Variants in BCR observed in about 807,000 individuals in gnomAD.
The protein encoded by BCR is BCR activator of RhoGEF and GTPase, also known as breakpoint cluster region protein.
Under a neutral mutation model 138.6 loss-of-function variants are expected in BCR, and 58 were observed. The ratio of observed to expected loss-of-function variants is 0.42; its 90% CI spans 0.34 to 0.52. The LOEUF is 0.52. Ranked by LOEUF, BCR falls within the 20% of genes least tolerant of loss-of-function variation. The pLI, the probability that BCR is intolerant of heterozygous loss-of-function variation, is 0.06. For synonymous variants in BCR, 786 were observed against 730.1 expected (o/e 1.08, Z -1.23); for missense variants, 1,599 against 1,727.2 (o/e 0.93, Z 1.32).
Position 23,312,872 on chromosome 22 carries a change from C to T in BCR, c.3323-15C>T. 1 of 1,596,074 alleles carries T rather than the reference C, an allele frequency of 6.3e-7. No homozygotes were observed. The highest frequency in any genetic ancestry group is 8.5e-7 in the Non-Finnish European group (1 of 1,178,596). ...GATCCTCAAGGAGGCCGCTGCATTT[C>T]CGTGCTCTTTCCAGATAACAAGGAC... On this transcript the variant is annotated splice_polypyrimidine_tract_variant and intron_variant, in intron 19 of 22. Coordinates refer to ENST00000305877, the MANE Select transcript of BCR (RefSeq NM_004327.4).
intron 5 of BCR, among the ~76,000 whole-genome samples, chr22:23,269,522 ATTGT>A (rs1229512092): frequency 5.3e-5 from 8 of 152,064 alleles, no homozygotes; most frequent in Non-Finnish European, 1.0e-4. Context: ...GTGCCGTCTT[ATTGT>A]TTATCACCGG....
At chr22:23,249,925 A>T (rs905802642) in intron 1 of BCR, among the ~76,000 whole-genome samples, 2 of 152,140 alleles carry the variant, frequency 1.3e-5, no homozygotes, top group African/African-American at 4.8e-5. Flanking sequence ...AGAGGGGGAA[A>T]CGGCTGGGGT....
Position 23,281,417 on chromosome 22 carries a change from C to G in BCR, c.2116-2560C>G, listed in dbSNP as rs549665961. Reference sequence around the variant, plus strand: ...CGACTCGGGTGGGCTATGCAGGAAGCCTGTGCTGATCTCAAGGCCAACTGT... The same window carrying G: ...CGACTCGGGTGGGCTATGCAGGAAGGCTGTGCTGATCTCAAGGCCAACTGT... On this transcript the variant is annotated intron_variant, in intron 8 of 22. Coordinates refer to ENST00000305877, the MANE Select transcript of BCR (RefSeq NM_004327.4). Among the ~76,000 whole-genome samples, 161 of 152,344 alleles carry G rather than the reference C, an allele frequency of 1.1e-3. 1 individual carries two copies. Among genetic ancestry groups the G allele is most frequent in the African/African-American group, 2.9e-3 (122 of 41,588 alleles).
chr22:23,205,954 G>A (rs2072607501), intron 1 of BCR, among the ~76,000 whole-genome samples: 1 of 152,124 alleles, frequency 6.6e-6, no homozygotes, highest in African/African-American at 2.4e-5. Context: ...AGCCAGGTGT[G>A]GGCGTCTCAC....
intron 1 of BCR, among the ~76,000 whole-genome samples, chr22:23,220,395 C>T (rs190360073): frequency 8.1e-4 from 123 of 152,336 alleles, no homozygotes; most frequent in East Asian, 6.4e-3. Flanking sequence ...CTGCCACCTC[C>T]TGCTGCCTCT....
intron 4 of BCR, 174 bp downstream of exon 4, chr22:23,261,714 G>A (rs891220573): frequency 1.2e-4 from 62 of 525,946 alleles, no homozygotes; most frequent in Non-Finnish European, 1.7e-4. Context: ...TTACAGGCGT[G>A]AGCCGCCATG....
chr22:23,250,735 T>G (rs534748382), intron 1 of BCR, among the ~76,000 whole-genome samples: 2 of 152,284 alleles, frequency 1.3e-5, no homozygotes, highest in South Asian at 4.1e-4. Context: ...TTCACATGCA[T>G]GATTTTAAAA....
At chr22:23,217,455 G>T (rs2072769216) in intron 1 of BCR, among the ~76,000 whole-genome samples, 1 of 152,208 alleles carries the variant, frequency 6.6e-6, no homozygotes, top group Non-Finnish European at 1.5e-5. Flanking sequence ...GAGTGGATAG[G>T]CCTTGGGTTC....
At chr22:23,304,872 T>C (rs545967341) in intron 16 of BCR, among the ~76,000 whole-genome samples, 1 of 152,138 alleles carries the variant, frequency 6.6e-6, no homozygotes, top group Non-Finnish European at 1.5e-5. Flanking sequence ...CCCAGCACTT[T>C]AGGAGGCCAA....
At chr22:23,254,005 G>T in intron 2 of BCR, 25 bp downstream of exon 2, 1 of 1,592,452 alleles carries the variant, frequency 6.3e-7, no homozygotes, top group Non-Finnish European at 8.6e-7. Flanking sequence ...TGTACGTGTG[G>T]CAGGAGGGCC....
chr22:23,261,718 C>T (rs998834256), intron 4 of BCR, 178 bp downstream of exon 4: 53 of 505,710 alleles, frequency 1.0e-4, no homozygotes, highest in Admixed American at 6.6e-4. Context: ...AGGCGTGAGC[C>T]GCCATGCCCA....
At chr22:23,186,561 C>T (rs1210280452) in intron 1 of BCR, among the ~76,000 whole-genome samples, 4 of 152,200 alleles carry the variant, frequency 2.6e-5, no homozygotes, top group Non-Finnish European at 4.4e-5. Flanking sequence ...TTCCCTGCCC[C>T]CAGCCCCTGG....
intron 1 of BCR, among the ~76,000 whole-genome samples, chr22:23,238,760 C>CG (rs546253663): frequency 6.6e-6 from 1 of 151,902 alleles, no homozygotes. Context: ...AGGATTAGGC[C>CG]GGGGGTGGGA....
intron 1 of BCR, among the ~76,000 whole-genome samples, chr22:23,248,389 G>A (rs1226878181): frequency 4.6e-5 from 7 of 151,914 alleles, no homozygotes; most frequent in Admixed American, 4.6e-4. Context: ...ACATAACTAG[G>A]AGTAGAATTG....
intron 10 of BCR, among the ~76,000 whole-genome samples, chr22:23,285,790 G>C (rs2146301730): frequency 6.6e-6 from 1 of 152,310 alleles, no homozygotes; most frequent in Non-Finnish European, 1.5e-5. Context: ...TCTGTCCCTG[G>C]GTCATGCAAG....
Position 23,181,321 on chromosome 22 carries a change from G to A in BCR, c.361G>A (p.Gly121Ser), listed in dbSNP as rs745732482. The A allele has an allele frequency of 3.7e-5, 52 of 1,387,942 alleles. No homozygotes were observed. The African/African-American group carries it at 6.2e-4, about 16-fold the overall frequency. 86.0% of individuals were successfully genotyped at this position (1,387,942 alleles called of 1,614,324 possible). ...GCCCGAGGCCCGGCCCGACGGCGAG[G>A]GTTCTCCGGGTAAGGCCAGGCCCGG... ...EEPEARPDGE[G>S]SPGKARPGTA... The change falls in exon 1 of 23, where the codon GGT (glycine) becomes AGT (serine). Residue 121 changes from glycine to serine, a missense_variant. By Grantham distance (56) the Gly-to-Ser change is moderately conservative. Around this residue, in one of 4 missense-constraint regions of BCR, gnomAD observed 806 missense variants for 635.0 expected, o/e 1.27. Transcript: ENST00000305877.
chr22:23,281,052 G>A (rs1324970075), intron 8 of BCR, among the ~76,000 whole-genome samples: 2 of 152,208 alleles, frequency 1.3e-5, no homozygotes, highest in Admixed American at 6.5e-5. Flanking sequence ...TTCCACGCAC[G>A]AGGGCACGCT....
chr22:23,273,124 G>C lies in BCR; in HGVS notation c.1965G>C (p.Leu655=), dbSNP rs1193283849. 4 of 1,613,318 alleles carry C rather than the reference G, an allele frequency of 2.5e-6. No homozygotes were observed. The African/African-American group carries it at 4.0e-5, about 16-fold the overall frequency. Residue 655 remains leucine (L), a synonymous_variant, in exon 7 of 23, where the codon CTG becomes CTC. Transcript: ENST00000305877. ...KPVDRVTRST[L]VLHDLLKHTP... Reference sequence around the variant, plus strand: ...TGGACCGTGTGACGAGGAGCACGCTGGTCCTCCATGTAAGTCACAGCGCCC... The same window carrying C: ...TGGACCGTGTGACGAGGAGCACGCTCGTCCTCCATGTAAGTCACAGCGCCC...
At chr22:23,312,839 T>G (rs1431130793) in intron 19 of BCR, 48 bp from the exon 20 acceptor site, 1 of 1,594,336 alleles carries the variant, frequency 6.3e-7, no homozygotes, top group Non-Finnish European at 8.5e-7. Context: ...GGTGGGAGAC[T>G]CACTCGGGAT....
Sources: gnomAD v4.1 joint callset for allele counts (sites outside exome capture counted in the v4.1 genomes callset) on GRCh38, gnomAD v4.1.1 for gene constraint, gnomAD v4.1.1 regional missense constraint, MANE v1.5 for transcripts, NCBI Gene and HGNC (gene_info 2026-07-23, HGNC 2026-07-21) for gene names.